The following TMEM131L variants were observed in gnomAD, a reference collection of about 807,000 sequenced individuals.
The protein encoded by TMEM131L is transmembrane protein 131-like.
TMEM131L carries 54 observed loss-of-function variants against 192.2 expected under a neutral mutation model. That is an observed-to-expected ratio of 0.28 (90% CI 0.23 to 0.35). The LOEUF is 0.35. Ranked by LOEUF, TMEM131L falls within the 10% of genes least tolerant of loss-of-function variation. The pLI is 1.00. For missense variants in TMEM131L, 1,888 were observed against 1,972.9 expected, an observed-to-expected ratio of 0.96 and a Z score of 0.82; for synonymous variants, 701 against 704.9, an observed-to-expected ratio of 0.99 and a Z score of 0.09.
At chr4:153,492,378 T>C (rs547401663) in intron 3 of TMEM131L, among the ~76,000 whole-genome samples, 1 of 152,310 alleles carries the variant, frequency 6.6e-6, no homozygotes, top group East Asian at 1.9e-4. Context: ...GAATTTTAGC[T>C]AAACCTTATC....
chr4:153,603,628 G>T, intron 24 of TMEM131L, 174 bp from the exon 25 acceptor site: 1 of 975,774 alleles, frequency 1.0e-6, no homozygotes, highest in Admixed American at 2.9e-5. Flanking sequence ...CTCCATGCAA[G>T]GACTTAGTTG....
chr4:153,490,227 G>T (rs572660975), intron 3 of TMEM131L, among the ~76,000 whole-genome samples: 2 of 152,248 alleles, frequency 1.3e-5, no homozygotes, highest in South Asian at 2.1e-4. Flanking sequence ...TCCAAATTGC[G>T]TGTTAGTTTG....
chr4:153,554,173 C>T (rs2150443868), intron 4 of TMEM131L: 1 of 152,178 alleles, frequency 6.6e-6, no homozygotes, highest in East Asian at 1.9e-4. Flanking sequence ...CCTCAGAAGT[C>T]CTTATTTATT....
At chr4:153,635,638 A>G in intron 34 of TMEM131L, 67 bp downstream of exon 34, 3 of 1,567,772 alleles carry the variant, frequency 1.9e-6, no homozygotes, top group Non-Finnish European at 2.6e-6. Flanking sequence ...TGCTTCCTTA[A>G]TCCTGGTCTC....
intron 3 of TMEM131L, among the ~76,000 whole-genome samples, chr4:153,513,084 G>A (rs1260902481): frequency 6.6e-6 from 1 of 152,144 alleles, no homozygotes; most frequent in Non-Finnish European, 1.5e-5. Context: ...GAGAGGTTGG[G>A]GAGGCATAAG....
chr4:153,577,611 A>AC (rs1348001239), intron 7 of TMEM131L, among the ~76,000 whole-genome samples: 2 of 152,172 alleles, frequency 1.3e-5, no homozygotes, highest in African/African-American at 4.8e-5. Flanking sequence ...ACTGGATTTA[A>AC]CCTGTGGGCA....
intron 15 of TMEM131L, 116 bp from the exon 16 acceptor site, chr4:153,588,774 T>A (rs757108081): frequency 1.2e-5 from 7 of 603,852 alleles, no homozygotes; most frequent in Non-Finnish European, 1.8e-5. Flanking sequence ...GAGGTGGCAT[T>A]TATTAACTCT....
chr4:153,536,677 A>C (rs571076623), intron 3 of TMEM131L, among the ~76,000 whole-genome samples: 3 of 152,122 alleles, frequency 2.0e-5, no homozygotes, highest in East Asian at 1.9e-4. Context: ...GAATCGATCG[A>C]TCTATCTAGC....
chr4:153,473,763 G>A (rs1345131977), intron 2 of TMEM131L, 82 bp from the exon 3 acceptor site: 8 of 1,179,514 alleles, frequency 6.8e-6, no homozygotes, highest in Non-Finnish European at 9.6e-6. Context: ...TTGTACTCCA[G>A]CCTGGGTGAC....
intron 3 of TMEM131L, among the ~76,000 whole-genome samples, chr4:153,512,185 G>GTAAT (rs1302953585): frequency 6.6e-6 from 1 of 152,190 alleles, no homozygotes; most frequent in Non-Finnish European, 1.5e-5. Context: ...TTTAAGAGAT[G>GTAAT]TAATGGTTTT....
At chr4:153,512,108 C>T (rs1734398508) in intron 3 of TMEM131L, among the ~76,000 whole-genome samples, 1 of 151,952 alleles carries the variant, frequency 6.6e-6, no homozygotes, top group African/African-American at 2.4e-5. Flanking sequence ...AGAGTTTGTT[C>T]ATTTATTTTT....
intron 31 of TMEM131L, among the ~76,000 whole-genome samples, chr4:153,628,354 G>A (rs568441183): frequency 1.3e-3 from 195 of 152,262 alleles, no homozygotes; most frequent in African/African-American, 4.4e-3. Flanking sequence ...CTCCTCTTCT[G>A]CCTCTCTTTG....
At chr4:153,529,754 C>CT (rs1203531623) in intron 3 of TMEM131L, among the ~76,000 whole-genome samples, 2 of 152,202 alleles carry the variant, frequency 1.3e-5, no homozygotes, top group Non-Finnish European at 2.9e-5. Flanking sequence ...AAACACCTCC[C>CT]TTTTTCTCCC....
chr4:153,538,195 C>G (rs1236487416), intron 3 of TMEM131L, among the ~76,000 whole-genome samples: 2 of 152,158 alleles, frequency 1.3e-5, no homozygotes, highest in Non-Finnish European at 2.9e-5. Context: ...GGACTTTGTT[C>G]CTTCCAGGTG....
At chr4:153,577,001 ATGT>A (rs896383106) in intron 7 of TMEM131L, among the ~76,000 whole-genome samples, 1 of 152,148 alleles carries the variant, frequency 6.6e-6, no homozygotes, top group African/African-American at 2.4e-5. Flanking sequence ...GACCTTGACC[ATGT>A]TGTTGTGAGA....
chr4:153,591,740 A>C (rs760754069), intron 17 of TMEM131L, among the ~76,000 whole-genome samples: 8 of 152,214 alleles, frequency 5.3e-5, no homozygotes, highest in Non-Finnish European at 2.9e-5. Flanking sequence ...TGTATGACTT[A>C]TCAGGTGCTC....
intron 3 of TMEM131L, among the ~76,000 whole-genome samples, chr4:153,534,412 G>C (rs1269496556): frequency 6.6e-6 from 1 of 152,116 alleles, no homozygotes. Flanking sequence ...ACAAGGATTT[G>C]AAGGAGGTGG....
intron 26 of TMEM131L, among the ~76,000 whole-genome samples, chr4:153,619,276 C>A (rs905939583): frequency 1.3e-5 from 2 of 152,100 alleles, no homozygotes; most frequent in African/African-American, 2.4e-5. Flanking sequence ...CCTTTGCTGG[C>A]CCTTGAGTGG....
intron 2 of TMEM131L, among the ~76,000 whole-genome samples, chr4:153,469,026 C>T (rs1268618189): frequency 6.6e-6 from 1 of 152,118 alleles, no homozygotes; most frequent in South Asian, 2.1e-4. Flanking sequence ...ATGGAAATGT[C>T]AAGGCCTAAA....
Sources: gnomAD v4.1 joint callset for allele counts (sites outside exome capture counted in the v4.1 genomes callset) on GRCh38, gnomAD v4.1.1 for gene constraint, MANE v1.5 for transcripts, NCBI Gene and HGNC (gene_info 2026-07-23, HGNC 2026-07-21) for gene names.